Variants in CTNNA2 observed in about 807,000 individuals in gnomAD.
The protein encoded by CTNNA2 is catenin alpha-2.
Under a neutral mutation model 101.0 loss-of-function variants are expected in CTNNA2, and 42 were observed. The ratio of observed to expected loss-of-function variants is 0.42; its 90% CI spans 0.32 to 0.54. The LOEUF is 0.54. Among genes scored for constraint, CTNNA2 ranks in the 20% least tolerant of loss-of-function variants. The pLI is 0.14. For synonymous variants in CTNNA2, 450 were observed against 456.4 expected, an observed-to-expected ratio of 0.99 and a Z score of 0.18; for missense variants, 871 against 1,223.1, an observed-to-expected ratio of 0.71 and a Z score of 4.29.
chr2:80,552,468 A>G (rs1015365535), intron 11 of CTNNA2, among the ~76,000 whole-genome samples: 4 of 152,186 alleles, frequency 2.6e-5, no homozygotes, highest in African/African-American at 9.6e-5. Context: ...CATCAATATA[A>G]CTACTATCAT....
chr2:79,659,392 A>G (rs556769769), intron 2 of CTNNA2, among the ~76,000 whole-genome samples: 128 of 152,228 alleles, frequency 8.4e-4, no homozygotes, highest in African/African-American at 3.0e-3. Context: ...TGGTTTATTC[A>G]TGATATTGAT....
chr2:80,450,992 AAG>A (rs1683457985), intron 9 of CTNNA2, among the ~76,000 whole-genome samples: 1 of 151,770 alleles, frequency 6.6e-6, no homozygotes, highest in Admixed American at 6.6e-5. Context: ...TAAAAAAAAA[AAG>A]TACTTTTCCC....
chr2:80,101,621 C>T lies in CTNNA2; in HGVS notation c.1056+191824C>T, dbSNP rs551232151. ...GTTTGGGCAGTAATTCAGGTGCCATCCTTCATGTACAGAAATGTGTTATCA... is the reference window on the plus strand; with the variant it reads ...GTTTGGGCAGTAATTCAGGTGCCATTCTTCATGTACAGAAATGTGTTATCA... On this transcript the variant is annotated intron_variant, in intron 7 of 18. Coordinates refer to ENST00000402739, the MANE Select transcript of CTNNA2 (RefSeq NM_001282597.3). Among the ~76,000 whole-genome samples the T allele has an allele frequency of 3.9e-5, 6 of 152,320 alleles. No individual in the cohort carries two copies. The South Asian group carries it at 1.0e-3, about 26-fold the overall frequency.
chr2:79,872,834 T>G (rs1459948711), intron 5 of CTNNA2, among the ~76,000 whole-genome samples: 2 of 149,360 alleles, frequency 1.3e-5, no homozygotes, highest in African/African-American at 5.0e-5. Context: ...TTTACTGATG[T>G]TTTCCAGCTG....
chr2:80,042,171 A>C (rs899837154), intron 7 of CTNNA2, among the ~76,000 whole-genome samples: 1 of 151,994 alleles, frequency 6.6e-6, no homozygotes, highest in African/African-American at 2.4e-5. Context: ...CACCATGTTG[A>C]CCAGGCTGGT....
chr2:80,282,295 T>C (rs1003332940), intron 7 of CTNNA2, among the ~76,000 whole-genome samples: 1 of 152,154 alleles, frequency 6.6e-6, no homozygotes, highest in Non-Finnish European at 1.5e-5. Context: ...AGTTTAAAAC[T>C]TACTTTTCTT....
At chr2:79,674,619 A>G (rs1683065807) in intron 2 of CTNNA2, among the ~76,000 whole-genome samples, 1 of 152,218 alleles carries the variant, frequency 6.6e-6, no homozygotes, top group African/African-American at 2.4e-5. Context: ...ATCTCTAGTA[A>G]ATAGAAATAT....
intron 1 of CTNNA2, among the ~76,000 whole-genome samples, chr2:79,644,602 C>T (rs529767564): frequency 6.6e-6 from 1 of 152,264 alleles, no homozygotes; most frequent in South Asian, 2.1e-4. Flanking sequence ...GCTGGCCCAG[C>T]TTTACAGCCA....
chr2:80,467,161 G>T (rs1410728670), intron 9 of CTNNA2, among the ~76,000 whole-genome samples: 1 of 152,136 alleles, frequency 6.6e-6, no homozygotes, highest in Admixed American at 6.5e-5. Context: ...TAAGAAAGTG[G>T]TAGAGCTATG....
chr2:79,969,319 T>C (rs1690311579), intron 7 of CTNNA2, among the ~76,000 whole-genome samples: 1 of 152,224 alleles, frequency 6.6e-6, no homozygotes, highest in South Asian at 2.1e-4. Flanking sequence ...TTGTGCCTCT[T>C]TTGGAGCCCC....
At chr2:79,342,560 A>C (rs149351675) in intron 3 of CTNNA2, among the ~76,000 whole-genome samples, 95 of 152,340 alleles carry the variant, frequency 6.2e-4, no homozygotes, top group Middle Eastern at 3.4e-3. Flanking sequence ...GGAAGAGGAA[A>C]TACAGTGATT....
At chr2:80,297,556 A>G (rs1675856800) in intron 7 of CTNNA2, among the ~76,000 whole-genome samples, 1 of 152,216 alleles carries the variant, frequency 6.6e-6, no homozygotes, top group African/African-American at 2.4e-5. Flanking sequence ...AAAAGTCTTC[A>G]GAAATTGTGT....
intron 12 of CTNNA2, among the ~76,000 whole-genome samples, chr2:80,565,392 T>C (rs1369484833): frequency 1.3e-5 from 2 of 152,176 alleles, no homozygotes; most frequent in East Asian, 1.9e-4. Flanking sequence ...GTCACCAGGA[T>C]GATACGGGGC....
intron 3 of CTNNA2, among the ~76,000 whole-genome samples, chr2:79,365,424 A>G (rs935836115): frequency 2.0e-5 from 3 of 152,046 alleles, no homozygotes; most frequent in Non-Finnish European, 2.9e-5. Context: ...GGAGTTTGAA[A>G]CCAGCCAAAG....
intron 1 of CTNNA2, chr2:79,524,606 T>C (rs920643017): frequency 6.6e-6 from 1 of 151,806 alleles, no homozygotes; most frequent in Non-Finnish European, 1.5e-5. Context: ...AACATATACT[T>C]TTTATTTCAG....
chr2:79,918,417 C>T lies in CTNNA2; in HGVS notation c.1056+8620C>T, dbSNP rs144010659. Among the ~76,000 whole-genome samples the T allele has an allele frequency of 4.5e-4, 68 of 152,274 alleles. 1 individual carries two copies. The highest frequency in any genetic ancestry group is 7.5e-4 in the Non-Finnish European group (51 of 68,026). The stretch of plus-strand genomic sequence containing the variant: ...ATTCAAAGAACAAAGCCTGATGACC[C>T]AGCTAGATGGCCAGCTAGATTAGGG... On this transcript the variant is annotated intron_variant, in intron 7 of 18. Transcript: ENST00000402739.
At chr2:80,528,618 A>G (rs2862311) in intron 9 of CTNNA2, among the ~76,000 whole-genome samples, 78,261 of 151,946 alleles carry the variant, frequency 0.52, 21,416 homozygotes, top group African/African-American at 0.72. Flanking sequence ...CCAACTCCAC[A>G]CTTCAGGCAT....
chr2:79,900,240 G>C (rs1482654990), intron 6 of CTNNA2, among the ~76,000 whole-genome samples: 1 of 152,128 alleles, frequency 6.6e-6, no homozygotes, highest in African/African-American at 2.4e-5. Flanking sequence ...GAAACTGGGA[G>C]AGGCTGCCTC....
At chr2:80,241,766 C>T (rs1670962535) in intron 7 of CTNNA2, among the ~76,000 whole-genome samples, 1 of 152,106 alleles carries the variant, frequency 6.6e-6, no homozygotes, top group Admixed American at 6.5e-5. Context: ...AAGTCAGTCC[C>T]AAGCACTGAG....
Sources: gnomAD v4.1 joint callset for allele counts (sites outside exome capture counted in the v4.1 genomes callset) on GRCh38, gnomAD v4.1.1 for gene constraint, MANE v1.5 for transcripts, NCBI Gene and HGNC (gene_info 2026-07-23, HGNC 2026-07-21) for gene names.